Variants in GPC5 observed in about 807,000 individuals in gnomAD.
GPC5 encodes the protein glypican-5.
In GPC5, 47 loss-of-function variants were observed where a neutral mutation model predicts 53.9. That is an observed-to-expected ratio of 0.87 (90% CI 0.69 to 1.11). GPC5 has a LOEUF of 1.11. Among genes scored for constraint, GPC5 ranks in the 50% most tolerant of loss-of-function variants. The pLI is 0.00. For missense variants in GPC5, 748 were observed against 713.1 expected (o/e 1.05, Z -0.56); for synonymous variants, 286 against 263.3 (o/e 1.09, Z -0.84).
chr13:91,764,806 G>T (rs899487441), intron 5 of GPC5, among the ~76,000 whole-genome samples: 2 of 152,124 alleles, frequency 1.3e-5, no homozygotes, highest in African/African-American at 2.4e-5. Flanking sequence ...GGAGATGATG[G>T]ATCAAAAGTG....
chr13:92,023,140 A>G (rs1264892931), intron 6 of GPC5, among the ~76,000 whole-genome samples: 1 of 152,082 alleles, frequency 6.6e-6, no homozygotes, highest in Non-Finnish European at 1.5e-5. Context: ...GTTTTCCAAG[A>G]AATTTTCATG....
At position 92,004,480 on chromosome 13, in the gene GPC5, ATATATATAT is replaced by A. The variant is rs1180761938; in HGVS notation, c.1401+96424_1401+96432del. 5.7e-4 allele frequency among the ~76,000 whole-genome samples: 78 copies of A among 136,558 alleles called. 4 individuals carry two copies. The highest frequency in any genetic ancestry group is 2.1e-3 in the African/African-American group (76 of 35,708). 89.6% of individuals were successfully genotyped at this position (136,558 alleles called of 152,430 possible). A position where few individuals can be genotyped will look rare whatever the true frequency, so the allele number is the denominator to read the frequency against. ...AAATTATATATATATATATATATAT[ATATATATAT>A]AATTACACTATAGCTTTTCATGCAA... On this transcript the variant is annotated intron_variant, in intron 6 of 7. Coordinates refer to ENST00000377067, the MANE Select transcript of GPC5 (RefSeq NM_004466.6).
chr13:92,500,337 G>A (rs1880136095), intron 7 of GPC5, among the ~76,000 whole-genome samples: 1 of 152,058 alleles, frequency 6.6e-6, no homozygotes, highest in African/African-American at 2.4e-5. Context: ...TGGCCCTCCT[G>A]GCATGTATTC....
intron 7 of GPC5, among the ~76,000 whole-genome samples, chr13:92,797,679 C>T (rs1876734319): frequency 6.6e-6 from 1 of 151,734 alleles, no homozygotes; most frequent in South Asian, 2.1e-4. Flanking sequence ...ATTTTCAATG[C>T]CATGAAAATG....
chr13:92,248,892 TAGTAAA>T (rs1282880832), intron 7 of GPC5, among the ~76,000 whole-genome samples: 9 of 152,172 alleles, frequency 5.9e-5, no homozygotes, highest in African/African-American at 2.2e-4. Flanking sequence ...CATTTACATT[TAGTAAA>T]AGTAAATTTC....
intron 7 of GPC5, among the ~76,000 whole-genome samples, chr13:92,361,587 G>A (rs1435148933): frequency 6.6e-6 from 1 of 151,626 alleles, no homozygotes; most frequent in Non-Finnish European, 1.5e-5. Context: ...GTCTGAGGAG[G>A]AGTGGAAAAT....
chr13:91,693,108 C>A, intron 2 of GPC5, 79 bp from the exon 3 acceptor site: 1 of 1,011,822 alleles, frequency 9.9e-7, no homozygotes, highest in South Asian at 1.6e-5. Context: ...TTTGATGAGT[C>A]ATTTAATGTC....
In GPC5 at chr13:91,642,388, C is replaced by G. The variant is rs73607970; in HGVS notation, c.326-50799C>G. 3.6e-3 allele frequency among the ~76,000 whole-genome samples: 549 copies of G among 152,268 alleles called. 6 individuals are homozygous for G. Among genetic ancestry groups the G allele is most frequent in the African/African-American group, 0.013 (525 of 41,538 alleles). On this transcript the variant is annotated intron_variant, in intron 2 of 7. Transcript: ENST00000377067. ...GCCTGAGGATGAAAAACACAACACA[C>G]ACTTAGTTTTGGGATCCAAGGGAAG...
chr13:92,000,976 G>A (rs537803991), intron 6 of GPC5, among the ~76,000 whole-genome samples: 1 of 151,184 alleles, frequency 6.6e-6, no homozygotes, highest in African/African-American at 2.5e-5. Flanking sequence ...ATTAAGTGAA[G>A]AGATGGCCTT....
intron 7 of GPC5, among the ~76,000 whole-genome samples, chr13:92,576,243 A>G (rs1301890963): frequency 6.6e-6 from 1 of 152,206 alleles, no homozygotes; most frequent in Non-Finnish European, 1.5e-5. Context: ...TCTTTCCTCC[A>G]GCAAAAATCA....
chr13:91,838,797 G>T (rs1249923935), intron 5 of GPC5, among the ~76,000 whole-genome samples: 1 of 152,152 alleles, frequency 6.6e-6, no homozygotes, highest in Non-Finnish European at 1.5e-5. Context: ...CATAAGGAAT[G>T]TGAGACAATT....
chr13:92,458,303 TG>T (rs1357594343), intron 7 of GPC5, among the ~76,000 whole-genome samples: 14 of 66,460 alleles, frequency 2.1e-4, no homozygotes, highest in Admixed American at 1.3e-3. Context: ...ATTCTTTTTT[TG>T]GGGGGGGCAG....
intron 7 of GPC5, chr13:92,701,346 TG>T (rs1479588587): frequency 6.6e-6 from 1 of 152,264 alleles, no homozygotes; most frequent in Middle Eastern, 3.4e-3. Flanking sequence ...TTTGATGTTT[TG>T]GCTCTCAATG....
chr13:91,433,653 A>G (rs974476853), intron 1 of GPC5, among the ~76,000 whole-genome samples: 15 of 152,048 alleles, frequency 9.9e-5, no homozygotes, highest in Non-Finnish European at 1.3e-4. Context: ...TAGTGCCACA[A>G]TAAACATACG....
chr13:91,848,404 C>G (rs2038875805), intron 5 of GPC5, among the ~76,000 whole-genome samples: 1 of 152,170 alleles, frequency 6.6e-6, no homozygotes, highest in East Asian at 1.9e-4. Context: ...TTAATCCTGT[C>G]CACAGAAACC....
rs940676004 is a variant in GPC5, at chr13:92,748,013, A to G, written c.1562-118269A>G. 1.2e-4 allele frequency among the ~76,000 whole-genome samples: 19 copies of G among 152,140 alleles called. 1 individual carries two copies. Among genetic ancestry groups the G allele is most frequent in the Non-Finnish European group, 2.6e-4 (18 of 68,014 alleles). ...CGTCAGTTTTCTTTGAATAACCCAA[A>G]CGATGATGGCCTGAGGTAGTCTGTG... On this transcript the variant is annotated intron_variant, in intron 7 of 7. Coordinates refer to ENST00000377067, the MANE Select transcript of GPC5 (RefSeq NM_004466.6).
intron 5 of GPC5, among the ~76,000 whole-genome samples, chr13:91,829,792 A>G (rs1298169482): frequency 6.6e-6 from 1 of 152,092 alleles, no homozygotes; most frequent in African/African-American, 2.4e-5. Flanking sequence ...CACAAGCCAT[A>G]AAACCAGCAA....
intron 7 of GPC5, among the ~76,000 whole-genome samples, chr13:92,692,759 T>TTTTTTTTTTTTTTTTTTTTTTTTTTG (rs1566366407): frequency 7.0e-6 from 1 of 142,114 alleles, no homozygotes; most frequent in Admixed American, 7.4e-5. Flanking sequence ...CGGCTATTTT[T>TTTTTTTTTTTTTTTTTTTTTTTTTTG]TTTTTTTTTT....
chr13:91,871,729 T>C (rs1226842633), intron 5 of GPC5, among the ~76,000 whole-genome samples: 4 of 152,088 alleles, frequency 2.6e-5, no homozygotes, highest in African/African-American at 9.7e-5. Context: ...ATTAGATTTT[T>C]CATCTCTGGA....
Sources: allele counts gnomAD v4.1 joint callset (sites outside exome capture counted in the v4.1 genomes callset), GRCh38; gene constraint gnomAD v4.1.1; transcripts MANE v1.5; gene names NCBI Gene and HGNC (gene_info 2026-07-23, HGNC 2026-07-21).